The following MAX variants were observed in gnomAD, a reference collection of about 807,000 sequenced individuals.
The protein encoded by MAX is MYC associated transcriptional regulator X, also known as protein max.
MAX carries 3 observed loss-of-function variants against 22.3 expected under a neutral mutation model. The ratio of observed to expected loss-of-function variants is 0.13; its 90% CI spans 0.06 to 0.35. The LOEUF (loss-of-function observed/expected upper bound fraction) is 0.35, where lower values mean the gene tolerates loss of function less well. MAX is among the 10% of genes least tolerant of loss of function. The probability of loss-of-function intolerance (pLI) is 1.00; values close to 1 mark genes in which losing one functional copy is unlikely to be tolerated. For missense variants in MAX, 119 were observed against 209.4 expected (o/e 0.57, Z 2.66); for synonymous variants, 72 against 77.7 (o/e 0.93, Z 0.39).
chr14:65,051,503 C>T (rs1448237130), intron 3 of MAX, among the ~76,000 whole-genome samples: 5 of 151,616 alleles, frequency 3.3e-5, no homozygotes, highest in South Asian at 4.2e-4. Context: ...CCCAGCTACT[C>T]GGGAGGCTGA....
chr14:65,080,186 T>C (rs1441748299), intron 3 of MAX, among the ~76,000 whole-genome samples: 10 of 152,226 alleles, frequency 6.6e-5, no homozygotes, highest in Admixed American at 6.5e-4. Flanking sequence ...AACACGCTCC[T>C]ATCTGAAATG....
intron 3 of MAX, among the ~76,000 whole-genome samples, chr14:65,042,687 A>G (rs991976824): frequency 1.3e-5 from 2 of 152,216 alleles, no homozygotes; most frequent in Admixed American, 6.5e-5. Flanking sequence ...TATCTGAAGT[A>G]TGAATTCCTA....
In MAX at chr14:65,093,565, TC is replaced by T. The variant is rs1428291112; in HGVS notation, c.171+142del. The stretch of plus-strand genomic sequence containing the variant: ...GAGTACGTAAGGTGTGCAGTGATCC[TC>T]CAAACAGTCAAAAATAAGGCAACCA... On this transcript the variant is annotated intron_variant, in intron 3 of 4. Transcript: ENST00000358664. The surrounding 1 kb of genome is among the most constrained non-coding windows in gnomAD (Gnocchi z 4.4). 1.9e-5 allele frequency: 13 copies of T among 697,912 alleles called. No homozygotes were observed. In the East Asian group the frequency reaches 3.5e-4, roughly 19 times the overall value. 43.2% of individuals were successfully genotyped at this position (697,912 alleles called of 1,614,324 possible). A position where few individuals can be genotyped will look rare whatever the true frequency, so the allele number is the denominator to read the frequency against.
rs753133724 is a variant in MAX, at chr14:65,054,471, G to C, written c.171+39237C>G. ...CCTCCTCTAGCCACATGGAGGATGG[G>C]GGGGGACGTGTGATTGCACCAGTGG... On this transcript the variant is annotated intron_variant, in intron 3 of 3. Coordinates refer to the MAX transcript ENST00000341653. This position sits in a 1 kb window ranked among gnomAD's most constrained non-coding sequence, Gnocchi z 4.4. The C allele has an allele frequency of 7.6e-5, 89 of 1,163,830 alleles. No homozygotes were observed. The highest frequency in any genetic ancestry group is 1.0e-4 in the Non-Finnish European group (82 of 815,134). The allele number at this position is 1,163,830 out of a possible 1,614,324, so 72.1% of individuals were successfully genotyped here.
chr14:65,053,155 T>A (rs1332647280), intron 3 of MAX: 6 of 1,104,832 alleles, frequency 5.4e-6, no homozygotes, highest in Non-Finnish European at 1.2e-6. Flanking sequence ...CCTTGACTAT[T>A]CCCCCAGGTG....
In MAX at chr14:65,078,683, C is replaced by A. The variant is rs754830533; in HGVS notation, c.172-647G>T. Among the ~76,000 whole-genome samples, 6 of 152,054 alleles carry A rather than the reference C, an allele frequency of 3.9e-5. No homozygotes were observed. The highest frequency in any genetic ancestry group is 7.2e-5 in the African/African-American group (3 of 41,380). ...TAGCTGGGATTACAAGTACATGCCA[C>A]GTTGCCTGGCTAATTTTTACATTTT... On this transcript the variant is annotated intron_variant, in intron 3 of 4. Coordinates refer to ENST00000358664, the MANE Select transcript of MAX (RefSeq NM_002382.5). The surrounding 1 kb of genome is among the most constrained non-coding windows in gnomAD (Gnocchi z 6.4).
rs370465058 is a variant in MAX, at chr14:65,053,612, ACT to A, written c.171+40094_171+40095del. ...AGGGAAACAGATTGCTGGGTAGATA[ACT>A]CTTCTTTTTTTTAAAAAAAACAAAA... On this transcript the variant is annotated intron_variant, in intron 3 of 3. Coordinates refer to the MAX transcript ENST00000341653. 4.1e-3 allele frequency among the ~76,000 whole-genome samples: 623 copies of A among 151,290 alleles called. 2 individuals are homozygous for A. Among genetic ancestry groups the A allele is most frequent in the South Asian group, 8.4e-3 (40 of 4,756 alleles).
chr14:65,019,845 T>C (rs1430294321), intron 3 of MAX, among the ~76,000 whole-genome samples: 1 of 152,242 alleles, frequency 6.6e-6, no homozygotes, highest in Non-Finnish European at 1.5e-5. Flanking sequence ...TTTAGTAAGA[T>C]ACAGATAAAT....
At chr14:65,066,153 A>G (rs146736871) in intron 3 of MAX, among the ~76,000 whole-genome samples, 1 of 152,310 alleles carries the variant, frequency 6.6e-6, no homozygotes, top group African/African-American at 2.4e-5. Flanking sequence ...TGGTGACAGC[A>G]AATAGGGCAG....
intron 3 of MAX, among the ~76,000 whole-genome samples, chr14:65,039,066 G>A (rs892908777): frequency 5.9e-5 from 9 of 152,144 alleles, no homozygotes; most frequent in Admixed American, 5.2e-4. Flanking sequence ...TAGAGACTGT[G>A]GTCAAATGTC....
chr14:65,054,065 A>G lies in MAX; in HGVS notation c.171+39643T>C, dbSNP rs974058031. On this transcript the variant is annotated intron_variant, in intron 3 of 3. Coordinates refer to the MAX transcript ENST00000341653. This position sits in a 1 kb window ranked among gnomAD's most constrained non-coding sequence, Gnocchi z 4.4. The stretch of plus-strand genomic sequence containing the variant: ...TAAAAAAAGAAAGAAAAGAAAAAAA[A>G]TACAGTTCCCACTGCTGGGCAGGGC... Among the ~76,000 whole-genome samples the G allele has an allele frequency of 2.0e-5, 3 of 152,178 alleles. No individual in the cohort carries two copies. The highest frequency in any genetic ancestry group is 4.4e-5 in the Non-Finnish European group (3 of 68,042).
At position 65,101,748 on chromosome 14, in the gene MAX, G is replaced by T. The variant is rs1595188978; in HGVS notation, c.37-176C>A. 3 of 595,000 alleles carry T rather than the reference G, an allele frequency of 5.0e-6. No individual in the cohort carries two copies. In the East Asian group the frequency reaches 8.9e-5, roughly 18 times the overall value. 36.9% of individuals were successfully genotyped at this position (595,000 alleles called of 1,614,324 possible). A position where few individuals can be genotyped will look rare whatever the true frequency, so the allele number is the denominator to read the frequency against. Reference sequence around the variant, plus strand: ...CACCCTTCCACCCTCGGCGGGATCCGGTAGCAGGGTAGAGGGGTCCCGAGC... The same window carrying T: ...CACCCTTCCACCCTCGGCGGGATCCTGTAGCAGGGTAGAGGGGTCCCGAGC... On this transcript the variant is annotated intron_variant, in intron 1 of 4. Coordinates refer to ENST00000358664, the MANE Select transcript of MAX (RefSeq NM_002382.5).
At chr14:65,024,765 C>A (rs961858438) in intron 3 of MAX, among the ~76,000 whole-genome samples, 2 of 152,002 alleles carry the variant, frequency 1.3e-5, no homozygotes, top group African/African-American at 4.8e-5. Context: ...AAGTTTTTCT[C>A]CCCCTACATT....
Position 65,077,790 on chromosome 14 carries a change from A to G in MAX, c.295+123T>C. 1 of 1,613,958 alleles carries G rather than the reference A, an allele frequency of 6.2e-7. No individual in the cohort carries two copies. The highest frequency in any genetic ancestry group is 1.3e-5 in the African/African-American group (1 of 75,058). On this transcript the variant is annotated intron_variant, in intron 4 of 4. Coordinates refer to ENST00000358664, the MANE Select transcript of MAX (RefSeq NM_002382.5). This position sits in a 1 kb window ranked among gnomAD's most constrained non-coding sequence, Gnocchi z 6.3. ...CTCAGTTACTCAGGCCCCAAGAAGCAGGACCAAGCCTGCTACTGAGCACAT... is the reference window on the plus strand; with the variant it reads ...CTCAGTTACTCAGGCCCCAAGAAGCGGGACCAAGCCTGCTACTGAGCACAT...
intron 3 of MAX, among the ~76,000 whole-genome samples, chr14:65,046,138 A>G (rs570019351): frequency 6.6e-6 from 1 of 152,112 alleles, no homozygotes; most frequent in Admixed American, 6.5e-5. Flanking sequence ...CACCACGCCC[A>G]GCCAATTTTG....
chr14:65,022,893 C>T (rs1448044635), intron 3 of MAX, among the ~76,000 whole-genome samples: 1 of 152,134 alleles, frequency 6.6e-6, no homozygotes, highest in African/African-American at 2.4e-5. Flanking sequence ...TTACCCATCC[C>T]CCACCCCTGC....
At chr14:65,075,107 A>C, downstream of MAX, 1 of 1,014,142 alleles carries the variant, frequency 9.9e-7, no homozygotes, top group Non-Finnish European at 1.2e-6. The surrounding 1 kb of genome is among the most constrained non-coding windows in gnomAD (Gnocchi z 4.1). Context: ...TAACAAGGGT[A>C]AGAAGACACC....
At position 65,069,250 on chromosome 14, in the gene MAX, C is replaced by T. The variant is rs2062962550; in HGVS notation, c.171+24458G>A. ...CCCACCCTCCCTTCACCAACAGCCCCCCACCCCCAGCCTGTCTGGACAGCT... is the reference window on the plus strand; with the variant it reads ...CCCACCCTCCCTTCACCAACAGCCCTCCACCCCCAGCCTGTCTGGACAGCT... On this transcript the variant is annotated intron_variant, in intron 3 of 3. Coordinates refer to the MAX transcript ENST00000341653. The surrounding 1 kb of genome is among the most constrained non-coding windows in gnomAD (Gnocchi z 4.6). Among the ~76,000 whole-genome samples the T allele has an allele frequency of 1.3e-5, 2 of 152,186 alleles. No homozygotes were observed. Among genetic ancestry groups the T allele is most frequent in the East Asian group, 3.9e-4 (2 of 5,176 alleles).
At chr14:65,022,661 C>A (rs1223386492) in intron 3 of MAX, among the ~76,000 whole-genome samples, 1 of 151,838 alleles carries the variant, frequency 6.6e-6, no homozygotes, top group Non-Finnish European at 1.5e-5. Context: ...GCCACCACAC[C>A]CAGCCAAATA....
Sources: gnomAD v4.1 joint callset for allele counts (sites outside exome capture counted in the v4.1 genomes callset) on GRCh38, gnomAD v4.1.1 for gene constraint, Gnocchi (gnomAD v3.1) non-coding constraint, MANE v1.5 for transcripts, NCBI Gene and HGNC (gene_info 2026-07-23, HGNC 2026-07-21) for gene names.